Variants in HS3ST4 observed in about 807,000 individuals in gnomAD.
HS3ST4 encodes heparan sulfate glucosamine 3-O-sulfotransferase 4.
A neutral mutation model predicts 29.2 loss-of-function variants in HS3ST4; 17 were observed. The observed-to-expected ratio is 0.58, with a 90% CI of 0.40 to 0.87. The LOEUF (loss-of-function observed/expected upper bound fraction) is 0.87. HS3ST4 is among the 40% of genes least tolerant of loss of function. The pLI is 0.00. For synonymous variants in HS3ST4, 314 were observed against 285.7 expected (o/e 1.10, Z -1.00); for missense variants, 627 against 634.5 (o/e 0.99, Z 0.13).
At chr16:26,035,397 C>G (rs930984847) in intron 1 of HS3ST4, among the ~76,000 whole-genome samples, 1 of 152,226 alleles carries the variant, frequency 6.6e-6, no homozygotes, top group Non-Finnish European at 1.5e-5. Flanking sequence ...CCAACTGCCT[C>G]TAAATACTTC....
intron 1 of HS3ST4, among the ~76,000 whole-genome samples, chr16:25,990,088 A>G (rs1329661591): frequency 1.3e-5 from 2 of 152,196 alleles, no homozygotes; most frequent in Admixed American, 6.5e-5. Context: ...AGGTTTCTCC[A>G]TGTCTTCTCA....
At chr16:26,084,669 C>A (rs1898763622) in intron 1 of HS3ST4, among the ~76,000 whole-genome samples, 1 of 152,050 alleles carries the variant, frequency 6.6e-6, no homozygotes, top group Non-Finnish European at 1.5e-5. Context: ...AGTACAGTAG[C>A]ATGATCATAG....
chr16:25,834,722 G>A lies in HS3ST4; in HGVS notation c.734+141571G>A, dbSNP rs140529720. 3.4e-3 allele frequency among the ~76,000 whole-genome samples: 523 copies of A among 152,280 alleles called. 3 individuals carry two copies. The highest frequency in any genetic ancestry group is 0.012 in the African/African-American group (499 of 41,556). On this transcript the variant is annotated intron_variant, in intron 1 of 1. Coordinates refer to ENST00000331351, the MANE Select transcript of HS3ST4 (RefSeq NM_006040.3). ...GAACTTTAAGAGGCCGAGGCAGGTG[G>A]ATCACTTGAGGTCAGGAGTTCGAGA...
chr16:25,983,080 T>G (rs1969024908), intron 1 of HS3ST4, among the ~76,000 whole-genome samples: 1 of 152,142 alleles, frequency 6.6e-6, no homozygotes, highest in African/African-American at 2.4e-5. Context: ...AAGTAAATAT[T>G]TACTGTGTGT....
chr16:25,704,311 A>T (rs898043029), intron 1 of HS3ST4, among the ~76,000 whole-genome samples: 7 of 152,176 alleles, frequency 4.6e-5, no homozygotes, highest in African/African-American at 1.7e-4. Flanking sequence ...AGTCTCCCCC[A>T]AAGGTTCCTA....
chr16:26,043,839 C>T (rs553205113), intron 1 of HS3ST4, among the ~76,000 whole-genome samples: 29 of 152,294 alleles, frequency 1.9e-4, no homozygotes, highest in African/African-American at 6.5e-4. Flanking sequence ...TTGTGCCATT[C>T]GCCCTCCCAA....
chr16:26,100,987 G>A (rs551153450), intron 1 of HS3ST4, among the ~76,000 whole-genome samples: 1 of 152,310 alleles, frequency 6.6e-6, no homozygotes, highest in Admixed American at 6.5e-5. Context: ...CCCCAGCTCA[G>A]AAAAGGACAT....
intron 1 of HS3ST4, among the ~76,000 whole-genome samples, chr16:25,994,203 TA>T (rs1783358039): frequency 6.6e-6 from 1 of 152,160 alleles, no homozygotes; most frequent in South Asian, 2.1e-4. Context: ...ATTCAGTCCA[TA>T]ACATCCCCAT....
chr16:25,889,551 T>C (rs185605423), intron 1 of HS3ST4, among the ~76,000 whole-genome samples: 1 of 152,276 alleles, frequency 6.6e-6, no homozygotes, highest in Admixed American at 6.5e-5. Flanking sequence ...TGATTCTTAG[T>C]GGGATTTTAG....
intron 1 of HS3ST4, among the ~76,000 whole-genome samples, chr16:25,804,876 T>G: frequency 6.6e-6 from 1 of 152,222 alleles, no homozygotes; most frequent in South Asian, 2.1e-4. Flanking sequence ...ACACTTAATA[T>G]TAACACTTAA....
intron 1 of HS3ST4, among the ~76,000 whole-genome samples, chr16:25,897,180 C>G (rs1466113961): frequency 6.6e-6 from 1 of 152,146 alleles, no homozygotes; most frequent in African/African-American, 2.4e-5. Flanking sequence ...GGGGGCCAGG[C>G]ACAGTAGCTC....
At chr16:25,850,229 C>G (rs1384404709) in intron 1 of HS3ST4, among the ~76,000 whole-genome samples, 2 of 151,846 alleles carry the variant, frequency 1.3e-5, no homozygotes, top group Non-Finnish European at 1.5e-5. Flanking sequence ...GAACCCTGAT[C>G]CACCTGCCTC....
At chr16:25,915,902 G>A (rs990220198) in intron 1 of HS3ST4, among the ~76,000 whole-genome samples, 6 of 152,202 alleles carry the variant, frequency 3.9e-5, no homozygotes, top group Admixed American at 6.5e-5. Context: ...AGAAAAAGAA[G>A]TTGTTGGAGG....
intron 1 of HS3ST4, among the ~76,000 whole-genome samples, chr16:25,971,340 A>C (rs1968895032): frequency 6.6e-6 from 1 of 152,206 alleles, no homozygotes; most frequent in African/African-American, 2.4e-5. Flanking sequence ...CTGGCACATA[A>C]TTGCATCATT....
chr16:25,953,986 C>G (rs1456842511), intron 1 of HS3ST4, among the ~76,000 whole-genome samples: 2 of 152,140 alleles, frequency 1.3e-5, no homozygotes, highest in Admixed American at 6.6e-5. Flanking sequence ...GAACACCCAG[C>G]TCAGCAGAGA....
chr16:25,775,030 G>A (rs923055929), intron 1 of HS3ST4, among the ~76,000 whole-genome samples: 1 of 152,174 alleles, frequency 6.6e-6, no homozygotes, highest in Non-Finnish European at 1.5e-5. Flanking sequence ...TGTTATTTAT[G>A]CAGGGGCCTT....
chr16:25,809,014 T>C (rs1596577232), intron 1 of HS3ST4, among the ~76,000 whole-genome samples: 1 of 152,284 alleles, frequency 6.6e-6, no homozygotes, highest in East Asian at 1.9e-4. Context: ...AGTAGGAATC[T>C]ATGTTACAAG....
chr16:25,701,422 A>T (rs189708327), intron 1 of HS3ST4, among the ~76,000 whole-genome samples: 1 of 152,270 alleles, frequency 6.6e-6, no homozygotes, highest in Admixed American at 6.5e-5. Context: ...AAACTGTTCC[A>T]TGTAATTTCC....
At chr16:25,880,045 C>T (rs1030665927) in intron 1 of HS3ST4, among the ~76,000 whole-genome samples, 9 of 152,118 alleles carry the variant, frequency 5.9e-5, no homozygotes, top group South Asian at 2.1e-4. Context: ...TTACAATTCA[C>T]GGTGAGATTT....
Sources: allele counts gnomAD v4.1 joint callset (sites outside exome capture counted in the v4.1 genomes callset), GRCh38; gene constraint gnomAD v4.1.1; transcripts MANE v1.5; gene names NCBI Gene and HGNC (gene_info 2026-07-23, HGNC 2026-07-21).